Variants in MAP2 observed in about 807,000 individuals in gnomAD.
MAP2 encodes microtubule associated protein 2, also known as microtubule-associated protein 2.
MAP2 carries 14 observed loss-of-function variants against 137.6 expected under a neutral mutation model. That is an observed-to-expected ratio of 0.10 (90% confidence interval 0.07 to 0.16). The LOEUF is 0.16. Ranked by LOEUF, MAP2 falls within the 10% of genes least tolerant of loss-of-function variation. MAP2 has a pLI of 1.00. For synonymous variants in MAP2, 786 were observed against 782.3 expected (o/e 1.00, Z -0.08); for missense variants, 2,088 against 2,191.5 (o/e 0.95, Z 0.94).
At chr2:209,636,920 T>C (rs2093618404) in intron 4 of MAP2, among the ~76,000 whole-genome samples, 1 of 152,184 alleles carries the variant, frequency 6.6e-6, no homozygotes, top group Non-Finnish European at 1.5e-5. Context: ...GCAATTATTC[T>C]TTCTGGCATC....
chr2:209,454,385 A>G (rs1049235386), intron 1 of MAP2, among the ~76,000 whole-genome samples: 1 of 152,108 alleles, frequency 6.6e-6, no homozygotes, highest in African/African-American at 2.4e-5. Context: ...CCCAGGCTGG[A>G]GTGCAGTGGC....
At chr2:209,632,314 A>G (rs2093152715) in intron 4 of MAP2, among the ~76,000 whole-genome samples, 1 of 152,140 alleles carries the variant, frequency 6.6e-6, no homozygotes, top group South Asian at 2.1e-4. Flanking sequence ...TAATGCCAGA[A>G]AAGAGCAAAG....
chr2:209,640,689 A>C (rs2093952176), intron 4 of MAP2, among the ~76,000 whole-genome samples: 1 of 152,146 alleles, frequency 6.6e-6, no homozygotes, highest in Non-Finnish European at 1.5e-5. Flanking sequence ...GTTCATCAGA[A>C]GATAAAGGGA....
chr2:209,716,875 G>A (rs953100159), intron 13 of MAP2, among the ~76,000 whole-genome samples: 1 of 152,012 alleles, frequency 6.6e-6, no homozygotes, highest in Non-Finnish European at 1.5e-5. Flanking sequence ...TAGTAGTTAT[G>A]CATTACAGTT....
At chr2:209,683,766 G>T (rs563983076) in intron 7 of MAP2, among the ~76,000 whole-genome samples, 4 of 152,278 alleles carry the variant, frequency 2.6e-5, no homozygotes, top group South Asian at 2.1e-4. Flanking sequence ...TAATCTGAGG[G>T]TATAGTGACT....
At chr2:209,449,657 C>G (rs192129694) in intron 1 of MAP2, among the ~76,000 whole-genome samples, 30 of 152,114 alleles carry the variant, frequency 2.0e-4, no homozygotes, top group African/African-American at 6.3e-4. Context: ...CTTAATATCT[C>G]AAAGAAAAAT....
chr2:209,641,001 C>A (rs2093982608), intron 4 of MAP2, among the ~76,000 whole-genome samples: 2 of 151,064 alleles, frequency 1.3e-5, no homozygotes, highest in African/African-American at 4.9e-5. Context: ...TCCAAGTTTA[C>A]CTGGATCATG....
intron 10 of MAP2, among the ~76,000 whole-genome samples, chr2:209,698,109 A>C (rs561574216): frequency 2.0e-5 from 3 of 152,052 alleles, no homozygotes; most frequent in African/African-American, 7.2e-5. Flanking sequence ...CAGCCTCCCA[A>C]AGTGCTGGGA....
chr2:209,690,699 A>G lies in MAP2; in HGVS notation c.455-1926A>G, dbSNP rs192047466. On this transcript the variant is annotated intron_variant, in intron 7 of 15. Transcript: ENST00000682079. ...GCTGCTAAGTCCTCAGACCAACCCA[A>G]GGGCCTCAGTAAGGGCCAAATGGAG... The G allele has an allele frequency of 4.1e-5, 53 of 1,289,696 alleles. No individual in the cohort carries two copies. The East Asian group carries it at 1.9e-3, about 47-fold the overall frequency. The allele number at this position is 1,289,696 out of a possible 1,614,324, so 79.9% of individuals were successfully genotyped here.
At chr2:209,589,645 G>A (rs1411269396) in intron 3 of MAP2, among the ~76,000 whole-genome samples, 3 of 152,132 alleles carry the variant, frequency 2.0e-5, no homozygotes, top group African/African-American at 7.2e-5. Flanking sequence ...TTTTCAACAT[G>A]AGAAGCAGAT....
chr2:209,496,191 T>A (rs1005665945), intron 1 of MAP2, among the ~76,000 whole-genome samples: 1 of 152,178 alleles, frequency 6.6e-6, no homozygotes, highest in Non-Finnish European at 1.5e-5. Flanking sequence ...TCATTCCACA[T>A]TTATAGATTC....
intron 10 of MAP2, among the ~76,000 whole-genome samples, chr2:209,697,651 C>G (rs2060569829): frequency 6.6e-6 from 1 of 151,998 alleles, no homozygotes. Context: ...TCCTCATATC[C>G]AAAATTAACA....
intron 4 of MAP2, among the ~76,000 whole-genome samples, chr2:209,643,126 A>G (rs1426587424): frequency 3.3e-5 from 5 of 152,224 alleles, no homozygotes; most frequent in Non-Finnish European, 7.3e-5. Context: ...GGCAGAACAC[A>G]TAGAAAACAT....
intron 2 of MAP2, among the ~76,000 whole-genome samples, chr2:209,566,922 A>G (rs560755480): frequency 4.6e-4 from 70 of 152,328 alleles, no homozygotes; most frequent in African/African-American, 1.6e-3. Context: ...ATAAGAAATT[A>G]TAAGAAAATT....
At chr2:209,673,006 T>C (rs2049558532) in intron 5 of MAP2, among the ~76,000 whole-genome samples, 1 of 151,820 alleles carries the variant, frequency 6.6e-6, no homozygotes, top group African/African-American at 2.4e-5. Context: ...AGAGGACTGC[T>C]TTGATTCTCT....
At chr2:209,677,543 C>A (rs2052501679) in intron 5 of MAP2, among the ~76,000 whole-genome samples, 1 of 151,958 alleles carries the variant, frequency 6.6e-6, no homozygotes, top group Non-Finnish European at 1.5e-5. Context: ...TATAGCTGAG[C>A]AGGTCTGATA....
intron 1 of MAP2, among the ~76,000 whole-genome samples, chr2:209,492,741 G>C (rs1240711827): frequency 1.3e-5 from 2 of 152,108 alleles, no homozygotes; most frequent in Non-Finnish European, 2.9e-5. Flanking sequence ...AGGATGTGAA[G>C]GACCTCTTCA....
intron 3 of MAP2, among the ~76,000 whole-genome samples, chr2:209,585,255 A>T (rs1467053024): frequency 2.8e-5 from 4 of 142,380 alleles, no homozygotes; most frequent in African/African-American, 8.0e-5. Flanking sequence ...ATGAAGAATT[A>T]AAAAAAAAAA....
intron 1 of MAP2, among the ~76,000 whole-genome samples, chr2:209,496,145 G>T (rs1014897092): frequency 2.0e-4 from 31 of 152,152 alleles, no homozygotes; most frequent in African/African-American, 7.2e-4. Context: ...ATTAGTTGGA[G>T]TGCTCATGAC....
Sources: gnomAD v4.1 joint callset for allele counts (sites outside exome capture counted in the v4.1 genomes callset) on GRCh38, gnomAD v4.1.1 for gene constraint, MANE v1.5 for transcripts, NCBI Gene and HGNC (gene_info 2026-07-23, HGNC 2026-07-21) for gene names.